TLL1: variants seen among roughly 807,000 people sequenced by gnomAD.
TLL1 encodes the protein tolloid like 1, also known as tolloid-like protein 1.
TLL1 carries 49 observed loss-of-function variants against 128.2 expected under a neutral mutation model. That is an observed-to-expected ratio of 0.38 (90% CI 0.30 to 0.48). The LOEUF is 0.48. Among genes scored for constraint, TLL1 ranks in the 20% least tolerant of loss-of-function variants. The pLI is 0.96. For missense variants in TLL1, 1,123 were observed against 1,242.0 expected, an observed-to-expected ratio of 0.90 and a Z score of 1.44; for synonymous variants, 454 against 418.8, an observed-to-expected ratio of 1.08 and a Z score of -1.03.
intron 15 of TLL1, among the ~76,000 whole-genome samples, chr4:166,060,542 A>T (rs1035992935): frequency 3.3e-5 from 5 of 152,212 alleles, no homozygotes; most frequent in African/African-American, 9.6e-5. Context: ...TAACAAAAAT[A>T]TCATTTGGAA....
chr4:165,922,006 G>A (rs1733064417), intron 1 of TLL1, among the ~76,000 whole-genome samples: 1 of 152,150 alleles, frequency 6.6e-6, no homozygotes, highest in African/African-American at 2.4e-5. Flanking sequence ...TGGGAGATGA[G>A]GAGAAGACTT....
chr4:165,939,827 T>C (rs72972204), intron 1 of TLL1, among the ~76,000 whole-genome samples: 5,447 of 152,138 alleles, frequency 0.036, 292 homozygotes, highest in African/African-American at 0.12. Flanking sequence ...CACATCAATC[T>C]TGAAATGGGA....
At chr4:166,059,955 A>C in intron 14 of TLL1, 73 bp from the exon 15 acceptor site, 1 of 1,565,138 alleles carries the variant, frequency 6.4e-7, no homozygotes, top group South Asian at 1.1e-5. Context: ...TTTGGGTATT[A>C]ATTAATGGAC....
At chr4:165,882,607 T>C (rs1418781846) in intron 1 of TLL1, among the ~76,000 whole-genome samples, 2 of 151,930 alleles carry the variant, frequency 1.3e-5, no homozygotes, top group East Asian at 3.9e-4. Flanking sequence ...AGGGCCCCTG[T>C]GTTGCTTTAT....
At chr4:166,013,364 A>G (rs1297525281) in intron 7 of TLL1, among the ~76,000 whole-genome samples, 1 of 151,920 alleles carries the variant, frequency 6.6e-6, no homozygotes, top group Non-Finnish European at 1.5e-5. Flanking sequence ...ATCCAGACCT[A>G]GAACTATTTC....
Position 166,091,121 on chromosome 4 carries a change from A to T in TLL1, c.2443-7A>T, listed in dbSNP as rs1204619981. ...TTTAAAAAAATTATTTCTTCTTTTT[A>T]AAAAAGGCCTTTAGTGAATTTGAGA... On this transcript the variant is annotated splice_polypyrimidine_tract_variant and splice_region_variant and intron_variant, in intron 18 of 20. Coordinates refer to ENST00000061240, the MANE Select transcript of TLL1 (RefSeq NM_012464.5). 5 of 1,606,278 alleles carry T rather than the reference A, an allele frequency of 3.1e-6. No individual in the cohort carries two copies. Among genetic ancestry groups the T allele is most frequent in the Non-Finnish European group, 4.3e-6 (5 of 1,175,860 alleles).
chr4:165,922,941 G>C (rs1733100334), intron 1 of TLL1, among the ~76,000 whole-genome samples: 1 of 152,178 alleles, frequency 6.6e-6, no homozygotes, highest in African/African-American at 2.4e-5. Context: ...CTGCATTTGA[G>C]TGGTTATTGA....
intron 1 of TLL1, among the ~76,000 whole-genome samples, chr4:165,912,043 T>C (rs1035870742): frequency 2.6e-5 from 4 of 151,958 alleles, no homozygotes; most frequent in Non-Finnish European, 4.4e-5. Context: ...GCCCGGCTAA[T>C]TTTTTGTATT....
chr4:165,999,235 C>T (rs1001734458), intron 5 of TLL1, among the ~76,000 whole-genome samples: 3 of 152,132 alleles, frequency 2.0e-5, no homozygotes, highest in Non-Finnish European at 4.4e-5. Context: ...GCTCCACTCC[C>T]AGTACTAATT....
At chr4:166,020,867 A>G (rs77755199) in intron 8 of TLL1, among the ~76,000 whole-genome samples, 1,953 of 152,328 alleles carry the variant, frequency 0.013, 42 homozygotes, top group African/African-American at 0.045. Context: ...ATTGTTATGT[A>G]AAAGTGTTGC....
chr4:165,967,575 T>C (rs1403684395), intron 1 of TLL1, among the ~76,000 whole-genome samples: 1 of 152,136 alleles, frequency 6.6e-6, no homozygotes, highest in Non-Finnish European at 1.5e-5. Flanking sequence ...AAGATGGAAA[T>C]ATTTGTTAGC....
At chr4:166,049,843 T>C (rs2111103503) in intron 12 of TLL1, among the ~76,000 whole-genome samples, 1 of 152,106 alleles carries the variant, frequency 6.6e-6, no homozygotes, top group South Asian at 2.1e-4. Context: ...TGATAAATGC[T>C]CATTTGCATT....
At chr4:165,974,859 G>A (rs1319801965) in intron 1 of TLL1, among the ~76,000 whole-genome samples, 5 of 152,292 alleles carry the variant, frequency 3.3e-5, no homozygotes, top group African/African-American at 1.2e-4. Flanking sequence ...GGCACCAACT[G>A]TCACAGGTTG....
intron 15 of TLL1, among the ~76,000 whole-genome samples, chr4:166,061,929 T>C (rs55681422): frequency 0.09 from 13,657 of 152,216 alleles, 926 homozygotes; most frequent in East Asian, 0.36. Context: ...TTCAGCTTTC[T>C]ACATATGGCT....
chr4:165,979,476 C>CCAGTATAGTATTT (rs1318471177), intron 1 of TLL1, among the ~76,000 whole-genome samples: 1 of 151,874 alleles, frequency 6.6e-6, no homozygotes, highest in Non-Finnish European at 1.5e-5. Flanking sequence ...CTATACTTTT[C>CCAGTATAGTATTT]CACAGATACA....
chr4:166,050,325 T>C (rs1028011238), intron 12 of TLL1, among the ~76,000 whole-genome samples: 4 of 152,212 alleles, frequency 2.6e-5, no homozygotes, highest in Non-Finnish European at 1.5e-5. Context: ...ATACCACATT[T>C]TATTTATCCA....
At chr4:166,048,231 C>T (rs1221397387) in intron 12 of TLL1, among the ~76,000 whole-genome samples, 1 of 135,088 alleles carries the variant, frequency 7.4e-6, no homozygotes, top group African/African-American at 3.0e-5. Context: ...AGCGAAATTC[C>T]GTCTCGGAAA....
chr4:165,934,455 A>T (rs1036115922), intron 1 of TLL1, among the ~76,000 whole-genome samples: 14 of 152,200 alleles, frequency 9.2e-5, no homozygotes, highest in African/African-American at 3.4e-4. Flanking sequence ...TATCCTGACA[A>T]CTAGAAGTTG....
intron 19 of TLL1, among the ~76,000 whole-genome samples, chr4:166,095,701 A>G (rs1741985658): frequency 6.6e-6 from 1 of 152,112 alleles, no homozygotes; most frequent in South Asian, 2.1e-4. Flanking sequence ...TTTACCAGGA[A>G]ATAAACAAAC....
Sources: allele counts gnomAD v4.1 joint callset (sites outside exome capture counted in the v4.1 genomes callset), GRCh38; gene constraint gnomAD v4.1.1; transcripts MANE v1.5; gene names NCBI Gene and HGNC (gene_info 2026-07-23, HGNC 2026-07-21).